CDKAL1: variants seen among roughly 807,000 people sequenced by gnomAD.
CDKAL1 encodes the protein CDKAL1 threonylcarbamoyladenosine tRNA methylthiotransferase, also known as threonylcarbamoyladenosine tRNA methylthiotransferase.
A neutral mutation model predicts 68.2 loss-of-function variants in CDKAL1; 32 were observed. That is an observed-to-expected ratio of 0.47 (90% CI 0.35 to 0.63). The LOEUF (loss-of-function observed/expected upper bound fraction) is 0.63, where lower values mean the gene tolerates loss of function less well. Among genes scored for constraint, CDKAL1 ranks in the 30% least tolerant of loss-of-function variants. The probability of loss-of-function intolerance (pLI) is 0.00; values close to 1 mark genes in which losing one functional copy is unlikely to be tolerated. For missense variants in CDKAL1, 606 were observed against 696.7 expected, an observed-to-expected ratio of 0.87 and a Z score of 1.47; for synonymous variants, 234 against 244.3, an observed-to-expected ratio of 0.96 and a Z score of 0.39.
chr6:20,663,601 T>C (rs1769390663), intron 5 of CDKAL1, among the ~76,000 whole-genome samples: 1 of 152,156 alleles, frequency 6.6e-6, no homozygotes, highest in African/African-American at 2.4e-5. Flanking sequence ...TGGACACACG[T>C]ATTTTTTAAA....
intron 10 of CDKAL1, among the ~76,000 whole-genome samples, chr6:20,992,031 CTTTTTTTT>C (rs71530401): frequency 6.0e-5 from 6 of 100,476 alleles, no homozygotes; most frequent in African/African-American, 1.7e-4. Flanking sequence ...TTTTTCTTTT[CTTTTTTTT>C]TTTTTTTTTT....
chr6:20,966,891 CTT>C (rs1353415934), intron 10 of CDKAL1, among the ~76,000 whole-genome samples: 8 of 152,076 alleles, frequency 5.3e-5, no homozygotes, highest in African/African-American at 1.4e-4. Context: ...TCAGCAGACT[CTT>C]TTTATTTTTT....
intron 8 of CDKAL1, among the ~76,000 whole-genome samples, chr6:20,843,123 G>A (rs1446008032): frequency 6.6e-6 from 1 of 151,932 alleles, no homozygotes; most frequent in South Asian, 2.1e-4. Flanking sequence ...CAACACATCT[G>A]TCCATAAAGT....
At chr6:20,736,463 C>T (rs1423540109) in intron 5 of CDKAL1, among the ~76,000 whole-genome samples, 1 of 152,082 alleles carries the variant, frequency 6.6e-6, no homozygotes, top group Admixed American at 6.5e-5. Context: ...TTTCTGTAAT[C>T]ATCATCATCT....
intron 13 of CDKAL1, among the ~76,000 whole-genome samples, chr6:21,121,745 G>A (rs892848085): frequency 3.3e-5 from 5 of 152,202 alleles, no homozygotes; most frequent in Admixed American, 6.5e-5. Context: ...TAGAATGTAA[G>A]TAGGGATTTT....
intron 7 of CDKAL1, among the ~76,000 whole-genome samples, chr6:20,760,326 A>T (rs975536236): frequency 6.6e-6 from 1 of 152,166 alleles, no homozygotes; most frequent in African/African-American, 2.4e-5. Flanking sequence ...TATCAGGATT[A>T]AAAATTTATA....
intron 10 of CDKAL1, among the ~76,000 whole-genome samples, chr6:20,961,676 A>G (rs560247831): frequency 5.9e-4 from 90 of 151,962 alleles, no homozygotes; most frequent in African/African-American, 2.1e-3. Context: ...CTGAGGCAGG[A>G]GAATGGCGTG....
intron 5 of CDKAL1, among the ~76,000 whole-genome samples, chr6:20,726,821 A>G (rs1335982786): frequency 6.6e-6 from 1 of 152,216 alleles, no homozygotes; most frequent in Non-Finnish European, 1.5e-5. Flanking sequence ...TACAAGCACA[A>G]TGAGTAAACA....
intron 15 of CDKAL1, among the ~76,000 whole-genome samples, chr6:21,208,837 T>A (rs1185678175): frequency 6.6e-6 from 1 of 152,230 alleles, no homozygotes; most frequent in Non-Finnish European, 1.5e-5. Flanking sequence ...CCGTTGCAGC[T>A]GAATTAGTAT....
At chr6:21,185,585 A>G (rs1296273500) in intron 13 of CDKAL1, among the ~76,000 whole-genome samples, 1 of 152,220 alleles carries the variant, frequency 6.6e-6, no homozygotes, top group Non-Finnish European at 1.5e-5. Flanking sequence ...GAGCGAGGAT[A>G]GGTCTGAACC....
Position 20,539,769 on chromosome 6 carries a change from A to G in CDKAL1, c.-6+4375A>G, listed in dbSNP as rs1398668894. 3.3e-5 allele frequency among the ~76,000 whole-genome samples: 5 copies of G among 152,186 alleles called. No homozygotes were observed. The highest frequency in any genetic ancestry group is 7.3e-5 in the Non-Finnish European group (5 of 68,030). On this transcript the variant is annotated intron_variant, in intron 2 of 15. Transcript: ENST00000274695. The surrounding 1 kb of genome is among the most constrained non-coding windows in gnomAD (Gnocchi z 4.3). ...TTTTGGCTTTTTACTCTGATATGGAATACCACTGGAAGGGTTTGATTGAGA... is the reference window on the plus strand; with the variant it reads ...TTTTGGCTTTTTACTCTGATATGGAGTACCACTGGAAGGGTTTGATTGAGA...
intron 6 of CDKAL1, among the ~76,000 whole-genome samples, chr6:20,748,545 T>C (rs1773759834): frequency 9.9e-6 from 1 of 100,552 alleles, no homozygotes; most frequent in Non-Finnish European, 1.8e-5. Flanking sequence ...AGAGCAAGAC[T>C]CTGTTTCTGG....
intron 9 of CDKAL1, among the ~76,000 whole-genome samples, chr6:20,954,218 G>A (rs1281109161): frequency 6.6e-6 from 1 of 152,120 alleles, no homozygotes; most frequent in Non-Finnish European, 1.5e-5. Flanking sequence ...ATATTAAGAG[G>A]AGCGAAGATC....
intron 9 of CDKAL1, among the ~76,000 whole-genome samples, chr6:20,896,119 TGAGA>T (rs1561865666): frequency 1.5e-5 from 2 of 136,484 alleles, no homozygotes; most frequent in African/African-American, 2.6e-5. Flanking sequence ...TTTTTTTTTT[TGAGA>T]TGGAGTCTTG....
intron 11 of CDKAL1, among the ~76,000 whole-genome samples, chr6:21,062,632 A>T (rs1309679947): frequency 6.6e-6 from 1 of 152,184 alleles, no homozygotes; most frequent in African/African-American, 2.4e-5. Context: ...AATTTATCTT[A>T]CTAACTAAAG....
chr6:20,547,200 T>G (rs981616929), intron 3 of CDKAL1, among the ~76,000 whole-genome samples: 2 of 152,200 alleles, frequency 1.3e-5, no homozygotes, highest in Admixed American at 1.3e-4. Flanking sequence ...TATGTAGATT[T>G]TTTTTTTATT....
At chr6:20,670,345 C>A (rs1581352054) in intron 5 of CDKAL1, among the ~76,000 whole-genome samples, 1 of 152,094 alleles carries the variant, frequency 6.6e-6, no homozygotes, top group East Asian at 1.9e-4. Flanking sequence ...TCCCCACTTC[C>A]TGGATGGTTT....
intron 7 of CDKAL1, among the ~76,000 whole-genome samples, chr6:20,774,073 T>TGGCATGAGTCCTCTCTGGTGA (rs1241485577): frequency 1.3e-5 from 2 of 152,096 alleles, no homozygotes; most frequent in Non-Finnish European, 2.9e-5. Context: ...CAACAAGCCT[T>TGGCATGAGTCCTCTCTGGTGA]GGCATGAGTC....
At chr6:20,669,843 A>T (rs1332353459) in intron 5 of CDKAL1, among the ~76,000 whole-genome samples, 3 of 152,098 alleles carry the variant, frequency 2.0e-5, no homozygotes, top group African/African-American at 7.2e-5. Context: ...TGGGCACTAG[A>T]TATGCTCATT....
Sources: gnomAD v4.1 joint callset for allele counts (sites outside exome capture counted in the v4.1 genomes callset) on GRCh38, gnomAD v4.1.1 for gene constraint, Gnocchi (gnomAD v3.1) non-coding constraint, MANE v1.5 for transcripts, NCBI Gene and HGNC (gene_info 2026-07-23, HGNC 2026-07-21) for gene names.